LOC400499: variants seen among roughly 807,000 people sequenced by gnomAD.
At chr16:11,526,344 G>A in the LOC400499 span, among the ~76,000 whole-genome samples, 4 of 152,200 alleles carry the variant, frequency 2.6e-5, no homozygotes, top group Non-Finnish European at 5.9e-5. Flanking sequence ...GATCACTTGA[G>A]TTTGAGACCA....
the LOC400499 span, among the ~76,000 whole-genome samples, chr16:11,419,128 T>C: frequency 1.3e-5 from 2 of 152,106 alleles, no homozygotes; most frequent in South Asian, 4.1e-4. Context: ...ATCACACTAC[T>C]GTACTCCAGC....
chr16:11,482,226 G>A, the LOC400499 span, among the ~76,000 whole-genome samples: 1 of 152,168 alleles, frequency 6.6e-6, no homozygotes, highest in Non-Finnish European at 1.5e-5. Flanking sequence ...TTCCTGCCTG[G>A]AGACAGTGTC....
chr16:11,420,967 C>T, the LOC400499 span, among the ~76,000 whole-genome samples: 1,502 of 152,242 alleles, frequency 9.9e-3, 11 homozygotes, highest in Middle Eastern at 0.02. Context: ...AGCACAGGGC[C>T]CAGGGCTGGA....
chr16:11,504,498 G>A, the LOC400499 span, among the ~76,000 whole-genome samples: 5 of 152,042 alleles, frequency 3.3e-5, no homozygotes, highest in African/African-American at 9.7e-5. Flanking sequence ...AGTTTGCAGT[G>A]AGCCGAGATT....
At chr16:11,461,969 G>T in the LOC400499 span, 1 of 705,150 alleles carries the variant, frequency 1.4e-6, no homozygotes, top group Non-Finnish European at 2.1e-6. Context: ...GGAGGTTCTG[G>T]GGGCTCACAT....
chr16:11,417,855 G>C, the LOC400499 span: 2 of 398,784 alleles, frequency 5.0e-6, no homozygotes, highest in Non-Finnish European at 8.8e-6. Flanking sequence ...ATGACACCAA[G>C]GAGACGCTGG....
the LOC400499 span, among the ~76,000 whole-genome samples, chr16:11,527,348 A>T: frequency 6.6e-6 from 1 of 152,224 alleles, no homozygotes; most frequent in South Asian, 2.1e-4. Context: ...AGCCAGTCAG[A>T]AGCCTCCAAT....
At chr16:11,391,900 A>C in the LOC400499 span, 1 of 1,092,362 alleles carries the variant, frequency 9.2e-7, no homozygotes, top group Non-Finnish European at 1.2e-6. Flanking sequence ...GGTGAGGTCC[A>C]GGGCAGAGAG....
chr16:11,407,970 GTTTTTTT>G, the LOC400499 span, among the ~76,000 whole-genome samples: 4 of 63,416 alleles, frequency 6.3e-5, no homozygotes, highest in African/African-American at 1.8e-4. Context: ...TTCCAGAGCT[GTTTTTTT>G]TTTTTTTTTT....
the LOC400499 span, chr16:11,439,595 A>T: frequency 1.5e-5 from 6 of 399,102 alleles, no homozygotes; most frequent in Non-Finnish European, 2.2e-5. Context: ...TTGCAGGGAG[A>T]GTTGAAGAGG....
chr16:11,485,128 A>T, the LOC400499 span: 1 of 398,664 alleles, frequency 2.5e-6, no homozygotes, highest in Non-Finnish European at 4.4e-6. Context: ...AGGGGTGATG[A>T]TGAGCTGTTA....
At chr16:11,392,448 C>T in the LOC400499 span, 11 of 398,926 alleles carry the variant, frequency 2.8e-5, no homozygotes, top group Admixed American at 2.6e-4. Flanking sequence ...ACCTCCGCCT[C>T]GGCTGTCCGC....
the LOC400499 span, among the ~76,000 whole-genome samples, chr16:11,495,760 TATC>T: frequency 6.6e-6 from 1 of 152,144 alleles, no homozygotes; most frequent in Admixed American, 6.5e-5. Context: ...TTGCCTTTCT[TATC>T]ATTCCCATTT....
the LOC400499 span, among the ~76,000 whole-genome samples, chr16:11,386,837 G>C: frequency 6.6e-6 from 1 of 152,248 alleles, no homozygotes; most frequent in Non-Finnish European, 1.5e-5. Flanking sequence ...CTTCCAGCTG[G>C]ATCTGGAGGG....
chr16:11,372,943 T>C, the LOC400499 span, among the ~76,000 whole-genome samples: 1 of 152,244 alleles, frequency 6.6e-6, no homozygotes, highest in Non-Finnish European at 1.5e-5. Context: ...GCAGGGCCTT[T>C]GCAGGCAGCG....
chr16:11,518,962 G>C, the LOC400499 span: 1 of 399,060 alleles, frequency 2.5e-6, no homozygotes, highest in Non-Finnish European at 4.4e-6. Context: ...TCACCTGGAA[G>C]TCTTGGAGCT....
chr16:11,474,662 C>G, the LOC400499 span, among the ~76,000 whole-genome samples: 11 of 151,360 alleles, frequency 7.3e-5, no homozygotes, highest in African/African-American at 2.7e-4. Context: ...GAGTTCGAGA[C>G]CAGCCTGGAT....
the LOC400499 span, among the ~76,000 whole-genome samples, chr16:11,485,520 T>C: frequency 6.6e-6 from 1 of 152,040 alleles, no homozygotes. Flanking sequence ...GATAGGTGAA[T>C]AAATGGATCT....
At chr16:11,496,886 CAATGTGTGTGTG>C in the LOC400499 span, among the ~76,000 whole-genome samples, 3 of 121,128 alleles carry the variant, frequency 2.5e-5, no homozygotes, top group Non-Finnish European at 5.2e-5. Context: ...GTGTATGCCT[CAATGTGTGTGTG>C]TGTGTGTGTG....
Sources: allele counts gnomAD v4.1 joint callset (sites outside exome capture counted in the v4.1 genomes callset), GRCh38; gene constraint gnomAD v4.1.1; transcripts MANE v1.5.